GRIK2: variants seen among roughly 807,000 people sequenced by gnomAD.
GRIK2 encodes the protein glutamate ionotropic receptor kainate type subunit 2, also known as glutamate receptor ionotropic, kainate 2.
Under a neutral mutation model 100.3 loss-of-function variants are expected in GRIK2, and 32 were observed. The ratio of observed to expected loss-of-function variants is 0.32; its 90% confidence interval spans 0.24 to 0.43. GRIK2 has a LOEUF of 0.43. Among genes scored for constraint, GRIK2 ranks in the 20% least tolerant of loss-of-function variants. GRIK2 has a pLI of 1.00. For missense variants in GRIK2, 843 were observed against 1,114.9 expected, an observed-to-expected ratio of 0.76 and a Z score of 3.47; for synonymous variants, 417 against 389.4, an observed-to-expected ratio of 1.07 and a Z score of -0.83.
At chr6:101,948,590 T>C (rs1791424441) in intron 14 of GRIK2, among the ~76,000 whole-genome samples, 1 of 149,892 alleles carries the variant, frequency 6.7e-6, no homozygotes, top group South Asian at 2.1e-4. Flanking sequence ...TGATACAATA[T>C]ATATGCAAGC....
chr6:102,004,810 C>T (rs1017437860), intron 14 of GRIK2, among the ~76,000 whole-genome samples: 1 of 151,756 alleles, frequency 6.6e-6, no homozygotes, highest in Non-Finnish European at 1.5e-5. Context: ...TAGCTTTTCA[C>T]ATTATATTGT....
chr6:101,545,073 T>C (rs1402786084), intron 2 of GRIK2, among the ~76,000 whole-genome samples: 2 of 152,214 alleles, frequency 1.3e-5, no homozygotes, highest in Admixed American at 1.3e-4. Context: ...CTTTCCTTCT[T>C]TTCCCCTGAA....
At chr6:101,702,173 T>C (rs1772947166) in intron 7 of GRIK2, among the ~76,000 whole-genome samples, 1 of 152,032 alleles carries the variant, frequency 6.6e-6, no homozygotes, top group Non-Finnish European at 1.5e-5. Context: ...CTATGAAAAC[T>C]CAAATGACTG....
intron 2 of GRIK2, among the ~76,000 whole-genome samples, chr6:101,540,270 G>A (rs1292890531): frequency 1.3e-5 from 2 of 151,714 alleles, no homozygotes; most frequent in African/African-American, 4.8e-5. Context: ...ATCTTTGTAG[G>A]ACATGGCAAA....
intron 2 of GRIK2, among the ~76,000 whole-genome samples, chr6:101,506,354 C>T (rs2128276248): frequency 6.6e-6 from 1 of 152,270 alleles, no homozygotes; most frequent in East Asian, 1.9e-4. Context: ...ATATCCTCCT[C>T]ATTGCCTTAA....
chr6:101,761,192 C>G (rs13437172), intron 7 of GRIK2, among the ~76,000 whole-genome samples: 5,762 of 152,172 alleles, frequency 0.038, 224 homozygotes, highest in African/African-American at 0.1. Flanking sequence ...GAAATAGTCT[C>G]TAGGGCCACT....
chr6:101,598,074 T>C (rs1196289290), intron 2 of GRIK2, among the ~76,000 whole-genome samples: 1 of 151,698 alleles, frequency 6.6e-6, no homozygotes, highest in African/African-American at 2.4e-5. Flanking sequence ...GGCTAGAAAA[T>C]GTTTAGTAAC....
chr6:101,763,743 G>A (rs1442002403), intron 7 of GRIK2, among the ~76,000 whole-genome samples: 2 of 152,004 alleles, frequency 1.3e-5, no homozygotes, highest in African/African-American at 4.8e-5. Context: ...TATTTTTCTG[G>A]ACTAGTTTCA....
chr6:102,059,036 A>G (rs1430134505), intron 16 of GRIK2, among the ~76,000 whole-genome samples: 1 of 151,320 alleles, frequency 6.6e-6, no homozygotes, highest in Non-Finnish European at 1.5e-5. Context: ...TACATATTGT[A>G]AATACTAGTG....
intron 7 of GRIK2, among the ~76,000 whole-genome samples, chr6:101,742,759 A>G (rs1384082153): frequency 2.0e-5 from 3 of 152,194 alleles, no homozygotes; most frequent in Admixed American, 2.0e-4. Context: ...ATGCAGATGA[A>G]GCTTTTAGCT....
chr6:101,826,841 C>A (rs1476625648), intron 10 of GRIK2, among the ~76,000 whole-genome samples: 1 of 151,942 alleles, frequency 6.6e-6, no homozygotes. Flanking sequence ...TATGCCGAAT[C>A]CTCCCTTAAG....
At chr6:102,045,812 A>C (rs1770857902) in intron 15 of GRIK2, among the ~76,000 whole-genome samples, 1 of 152,122 alleles carries the variant, frequency 6.6e-6, no homozygotes. Flanking sequence ...ATAATGCTTT[A>C]TTTAAAAAGC....
At chr6:102,005,362 ACTT>A (rs1004765877) in intron 14 of GRIK2, among the ~76,000 whole-genome samples, 13 of 151,938 alleles carry the variant, frequency 8.6e-5, no homozygotes, top group African/African-American at 2.4e-4. Context: ...TATATTTGGG[ACTT>A]CTTATTTATA....
At chr6:101,821,014 A>G (rs1781919446) in intron 10 of GRIK2, among the ~76,000 whole-genome samples, 1 of 152,194 alleles carries the variant, frequency 6.6e-6, no homozygotes, top group African/African-American at 2.4e-5. Context: ...GTCGGAGAAA[A>G]GTGCCTTGGG....
At chr6:101,749,190 C>T (rs2128383155) in intron 7 of GRIK2, among the ~76,000 whole-genome samples, 1 of 152,228 alleles carries the variant, frequency 6.6e-6, no homozygotes, top group East Asian at 1.9e-4. Flanking sequence ...CTCACTGCAA[C>T]CTCTGCCTTC....
At chr6:101,916,019 A>C (rs990398019) in intron 12 of GRIK2, among the ~76,000 whole-genome samples, 1 of 151,506 alleles carries the variant, frequency 6.6e-6, no homozygotes, top group African/African-American at 2.4e-5. Flanking sequence ...AACAGTGTAA[A>C]AAATAGCAAT....
intron 2 of GRIK2, among the ~76,000 whole-genome samples, chr6:101,571,187 A>G (rs1406827356): frequency 6.6e-6 from 1 of 152,182 alleles, no homozygotes. Context: ...TTGCATGTTT[A>G]GTCACAGTGA....
intron 2 of GRIK2, among the ~76,000 whole-genome samples, chr6:101,522,626 G>T (rs903143719): frequency 1.3e-5 from 2 of 152,082 alleles, no homozygotes; most frequent in African/African-American, 4.8e-5. Flanking sequence ...AGAAGAAGAA[G>T]GTTGGTGGGC....
intron 2 of GRIK2, among the ~76,000 whole-genome samples, chr6:101,578,095 A>T (rs186064576): frequency 5.1e-4 from 77 of 152,328 alleles, no homozygotes; most frequent in Non-Finnish European, 1.6e-4. Flanking sequence ...AGGAAAGAAC[A>T]TCTGTACCCT....
Sources: gnomAD v4.1 joint callset for allele counts (sites outside exome capture counted in the v4.1 genomes callset) on GRCh38, gnomAD v4.1.1 for gene constraint, MANE v1.5 for transcripts, NCBI Gene and HGNC (gene_info 2026-07-23, HGNC 2026-07-21) for gene names.